The following FLNC variants were observed in gnomAD, a reference collection of about 807,000 sequenced individuals.
FLNC encodes filamin-C.
A neutral mutation model predicts 254.3 loss-of-function variants in FLNC; 91 were observed. The observed-to-expected ratio is 0.36, with a 90% CI of 0.30 to 0.43. The LOEUF is 0.43. Among genes scored for constraint, FLNC ranks in the 20% least tolerant of loss-of-function variants. The probability of loss-of-function intolerance (pLI) is 1.00; values close to 1 mark genes in which losing one functional copy is unlikely to be tolerated. For missense variants in FLNC, 2,853 were observed against 3,802.6 expected (o/e 0.75, Z 6.57); for synonymous variants, 1,430 against 1,577.2 (o/e 0.91, Z 2.21).
Position 128,835,694 on chromosome 7 carries a change from C to A in FLNC, c.601+120C>A. The A allele has an allele frequency of 8.6e-7, 1 of 1,162,074 alleles. No homozygotes were observed. Among genetic ancestry groups the A allele is most frequent in the Non-Finnish European group, 1.2e-6 (1 of 805,882 alleles). The allele number at this position is 1,162,074 out of a possible 1,614,324, so 72.0% of individuals were successfully genotyped here. A position where few individuals can be genotyped will look rare whatever the true frequency, so the allele number is the denominator to read the frequency against. On this transcript the variant is annotated intron_variant, in intron 2 of 47. Coordinates refer to ENST00000325888, the MANE Select transcript of FLNC (RefSeq NM_001458.5). The surrounding 1 kb of genome is among the most constrained non-coding windows in gnomAD (Gnocchi z 5.3). ...CACCCTGGGGCCTGGGGGCCAGGAT[C>A]CCCTGCAGGGTTTGTCCTCCTCCAG...
intron 20 of FLNC, 53 bp from the exon 21 acceptor site, chr7:128,844,605 G>C (rs1808475380): frequency 3.9e-6 from 6 of 1,521,754 alleles, no homozygotes; most frequent in Non-Finnish European, 4.5e-6. Flanking sequence ...GGCCATGAAG[G>C]CTGGGATGAG....
intron 21 of FLNC, among the ~76,000 whole-genome samples, chr7:128,845,501 G>A (rs1165985007): frequency 6.6e-6 from 1 of 152,176 alleles, no homozygotes; most frequent in Non-Finnish European, 1.5e-5. Context: ...CGTTTTTCTG[G>A]AGAGATCTCT....
In FLNC at chr7:128,841,052, T is replaced by C; in HGVS notation, c.1813+82T>C. 4 of 1,566,192 alleles carry C rather than the reference T, an allele frequency of 2.6e-6. No individual in the cohort carries two copies. In the South Asian group the frequency reaches 3.4e-5, roughly 13 times the overall value. On this transcript the variant is annotated intron_variant, in intron 11 of 47. Coordinates refer to ENST00000325888, the MANE Select transcript of FLNC (RefSeq NM_001458.5). This position sits in a 1 kb window ranked among gnomAD's most constrained non-coding sequence, Gnocchi z 4.3. The stretch of plus-strand genomic sequence containing the variant: ...CTGTGGGTAATGGGTGCAGTGCGCA[T>C]GCTGGGGAGCGCTGGGGTGAGCAGG...
chr7:128,845,363 G>A (rs1808517707), intron 21 of FLNC, 108 bp downstream of exon 21: 18 of 897,926 alleles, frequency 2.0e-5, no homozygotes, highest in Middle Eastern at 2.8e-4. Flanking sequence ...AACCTGGGGT[G>A]AAGGGAGGGC....
intron 1 of FLNC, among the ~76,000 whole-genome samples, chr7:128,833,617 CCG>C (rs200615128): frequency 0.022 from 3,002 of 138,978 alleles, 87 homozygotes; most frequent in African/African-American, 0.066. Flanking sequence ...CATATACACA[CCG>C]CCCCCCCCAA....
intron 32 of FLNC, 35 bp downstream of exon 32, chr7:128,850,518 G>A (rs772933590): frequency 2.0e-6 from 3 of 1,535,098 alleles, no homozygotes; most frequent in Non-Finnish European, 2.7e-6. Flanking sequence ...TGAGGGCTGA[G>A]GGGAGAAACC....
At chr7:128,833,121 C>A (rs1488302952) in intron 1 of FLNC, among the ~76,000 whole-genome samples, 1 of 152,196 alleles carries the variant, frequency 6.6e-6, no homozygotes, top group Non-Finnish European at 1.5e-5. Flanking sequence ...CTGTGCCCTT[C>A]ATATCCTCAC....
Position 128,848,691 on chromosome 7 carries a change from G to A in FLNC, c.4711G>A (p.Glu1571Lys), listed in dbSNP as rs761793156. The change falls in exon 27 of 48, where the codon GAG (glutamate) becomes AAG (lysine). Residue 1571 changes from glutamate (E) to lysine (K), a missense_variant. Coordinates refer to ENST00000325888, the MANE Select transcript of FLNC (RefSeq NM_001458.5). ...EFTIDARDAG[E>K]GLLTVQILDP... ...CACCATCGACGCACGGGACGCGGGCGAGGGGTTGCTCACTGTCCAGATCTT... is the reference window on the plus strand; with the variant it reads ...CACCATCGACGCACGGGACGCGGGCAAGGGGTTGCTCACTGTCCAGATCTT... 27 of 1,613,446 alleles carry A rather than the reference G, an allele frequency of 1.7e-5. 1 individual carries two copies. The highest frequency in any genetic ancestry group is 1.3e-4 in the East Asian group (6 of 44,868).
intron 21 of FLNC, 71 bp downstream of exon 21, chr7:128,845,326 G>A: frequency 2.3e-6 from 3 of 1,306,522 alleles, no homozygotes; most frequent in East Asian, 2.4e-5. Context: ...TGGGAGGGAG[G>A]GAAGAAGAGC....
In FLNC at chr7:128,848,722, G is replaced by A. The variant is rs1808673722; in HGVS notation, c.4737+5G>A. The A allele has an allele frequency of 1.2e-6, 2 of 1,613,846 alleles. No homozygotes were observed. Among genetic ancestry groups the A allele is most frequent in the Non-Finnish European group, 1.7e-6 (2 of 1,180,022 alleles). On this transcript the variant is annotated splice_donor_5th_base_variant and intron_variant, in intron 27 of 47. Coordinates refer to ENST00000325888, the MANE Select transcript of FLNC (RefSeq NM_001458.5). The stretch of plus-strand genomic sequence containing the variant: ...TTGCTCACTGTCCAGATCTTGGTGA[G>A]TCTCTGTGCATCCCACCCCGCAGGT...
chr7:128,833,338 G>A (rs1038260489), intron 1 of FLNC, among the ~76,000 whole-genome samples: 3 of 152,218 alleles, frequency 2.0e-5, no homozygotes, highest in African/African-American at 7.2e-5. Context: ...GGGTGGCCTC[G>A]GGAACTAGCT....
intron 5 of FLNC, 55 bp downstream of exon 5, chr7:128,837,810 C>G: frequency 6.7e-7 from 1 of 1,488,870 alleles, no homozygotes; most frequent in Non-Finnish European, 9.2e-7. Context: ...AACCAGAGAG[C>G]GTGGGGCCAA....
At chr7:128,851,014 C>T (rs1585166158) in intron 33 of FLNC, 71 bp downstream of exon 33, 6 of 1,584,634 alleles carry the variant, frequency 3.8e-6, no homozygotes, top group Non-Finnish European at 5.2e-6. Context: ...CCTGCCTTCC[C>T]TCTTTCAACA....
chr7:128,858,091 G>A lies in FLNC; in HGVS notation c.7864G>A (p.Gly2622Ser). 5 of 1,613,414 alleles carry A rather than the reference G, an allele frequency of 3.1e-6. No homozygotes were observed. The highest frequency in any genetic ancestry group is 2.2e-5 in the East Asian group (1 of 44,872). ...ETVTKSSSSR[G>S]SSYSSIPKFS... is the part of the protein sequence containing the mutation. ...TGTGACCAAGTCCTCCTCAAGCCGG[G>A]GCTCCAGCTACAGCTCCATCCCCAA... is the stretch of plus-strand genomic sequence containing the variant. The change falls in exon 47 of 48, where the codon GGC becomes AGC. Residue 2622 changes from glycine (G) to serine (S), a missense_variant. Coordinates refer to ENST00000325888, the MANE Select transcript of FLNC (RefSeq NM_001458.5). This position sits in a 1 kb window ranked among gnomAD's most constrained non-coding sequence, Gnocchi z 6.7.
In FLNC at chr7:128,852,692, C is replaced by T. The variant is rs538779271; in HGVS notation, c.5944C>T (p.Arg1982Cys). Residue 1982 changes from arginine to cysteine, a missense_variant, in exon 36 of 48, where the codon CGT becomes TGT. Arg to Cys is a radical substitution (Grantham distance 180). This residue lies in a region of FLNC where 551 missense variants were observed against 835.0 expected (regional missense o/e 0.66). Coordinates refer to ENST00000325888, the MANE Select transcript of FLNC (RefSeq NM_001458.5). ...SDLSQLTASIRAPSGNEEPCL... is the reference protein window; with the variant it reads ...SDLSQLTASICAPSGNEEPCL... ...TCTGAGCCAGCTGACCGCCAGCATC[C>T]GTGCCCCCTCGGGCAACGAGGAGCC... 1.1e-4 allele frequency: 185 copies of T among 1,613,310 alleles called. No individual in the cohort carries two copies. The highest frequency in any genetic ancestry group is 9.0e-4 in the South Asian group (82 of 91,088).
At chr7:128,852,543 G>A (rs1808862917) in intron 35 of FLNC, 48 bp from the exon 36 acceptor site, 1 of 1,609,970 alleles carries the variant, frequency 6.2e-7, no homozygotes, top group African/African-American at 1.3e-5. Context: ...TGTGAGGGCA[G>A]GGCCTGCCTG....
chr7:128,851,749 G>A, intron 35 of FLNC, 121 bp downstream of exon 35: 1 of 976,212 alleles, frequency 1.0e-6, no homozygotes, highest in African/African-American at 1.6e-5. Context: ...CCTTCAAGGT[G>A]TGAGGGGTCA....
In FLNC at chr7:128,853,449, T is replaced by C; in HGVS notation, c.6209-20T>C. ...GGCCAGCCTAGGACTGAGGGAGATG[T>C]GTTCCTTGCTTTCCCCCAGGTTATG... On this transcript the variant is annotated intron_variant, in intron 37 of 47. Transcript: ENST00000325888. The C allele has an allele frequency of 6.2e-7, 1 of 1,613,514 alleles. No individual in the cohort carries two copies. The highest frequency in any genetic ancestry group is 8.5e-7 in the Non-Finnish European group (1 of 1,179,918).
In FLNC at chr7:128,858,790, G is replaced by A; in HGVS notation, c.*267G>A. Reference sequence around the variant, plus strand: ...GGCCAGGCTCAGGGGCAGAGGCTGGGACACAAGGGGCTGGCGAGGGCTGCG... The same window carrying A: ...GGCCAGGCTCAGGGGCAGAGGCTGGAACACAAGGGGCTGGCGAGGGCTGCG... On this transcript the variant is annotated 3_prime_UTR_variant, in exon 48 of 48. Transcript: ENST00000325888. The surrounding 1 kb of genome is among the most constrained non-coding windows in gnomAD (Gnocchi z 6.7). 1 of 542,078 alleles carries A rather than the reference G, an allele frequency of 1.8e-6. No homozygotes were observed. The allele number at this position is 542,078 out of a possible 1,614,324, so 33.6% of individuals were successfully genotyped here.
Sources: gnomAD v4.1 joint callset for allele counts (sites outside exome capture counted in the v4.1 genomes callset) on GRCh38, gnomAD v4.1.1 for gene constraint, gnomAD v4.1.1 regional missense constraint, Gnocchi (gnomAD v3.1) non-coding constraint, MANE v1.5 for transcripts, NCBI Gene and HGNC (gene_info 2026-07-23, HGNC 2026-07-21) for gene names.